Variants in ABCC1 observed in about 807,000 individuals in gnomAD.
The protein encoded by ABCC1 is multidrug resistance-associated protein 1.
Under a neutral mutation model 172.9 loss-of-function variants are expected in ABCC1, and 83 were observed. The ratio of observed to expected loss-of-function variants is 0.48; its 90% CI spans 0.40 to 0.58. The LOEUF (loss-of-function observed/expected upper bound fraction) is 0.58, where lower values mean the gene tolerates loss of function less well. Ranked by LOEUF, ABCC1 falls within the 20% of genes least tolerant of loss-of-function variation. The probability of loss-of-function intolerance (pLI) is 0.00; values close to 1 mark genes in which losing one functional copy is unlikely to be tolerated. For missense variants in ABCC1, 1,817 were observed against 2,002.7 expected (o/e 0.91, Z 1.77); for synonymous variants, 937 against 825.2 (o/e 1.14, Z -2.32).
In ABCC1 at chr16:15,971,229, A is replaced by T. The variant is rs140537623; in HGVS notation, c.48+21430A>T. Among the ~76,000 whole-genome samples the T allele has an allele frequency of 2.6e-3, 397 of 152,294 alleles. 5 individuals are homozygous for T. The highest frequency in any genetic ancestry group is 9.0e-3 in the African/African-American group (375 of 41,556). On this transcript the variant is annotated intron_variant, in intron 1 of 30. Coordinates refer to ENST00000399410, the MANE Select transcript of ABCC1 (RefSeq NM_004996.4). ...GTTTGACTAGGCATGTCTTTCACGT[A>T]GCGCATGAAAAAGCTGGCCCTCCCA...
chr16:16,134,902 A>T (rs894847706), intron 28 of ABCC1, among the ~76,000 whole-genome samples: 2 of 152,088 alleles, frequency 1.3e-5, no homozygotes, highest in Non-Finnish European at 2.9e-5. Flanking sequence ...TTGGCCTCCA[A>T]AAGTGCTGGG....
At chr16:15,990,093 C>T (rs2046823811) in intron 1 of ABCC1, among the ~76,000 whole-genome samples, 1 of 152,134 alleles carries the variant, frequency 6.6e-6, no homozygotes, top group Non-Finnish European at 1.5e-5. Context: ...CTGGCTCTGT[C>T]ACCCAGGCTG....
At chr16:16,124,335 G>GTGTGTGTATGTGTGTGTA (rs1555502587) in intron 24 of ABCC1, among the ~76,000 whole-genome samples, 1 of 87,930 alleles carries the variant, frequency 1.1e-5, no homozygotes, top group African/African-American at 4.5e-5. Flanking sequence ...GTGTGTGTGT[G>GTGTGTGTATGTGTGTGTA]TGTGTGTGTG....
In ABCC1 at chr16:16,120,197, TG is replaced by T. The variant is rs1361741262; in HGVS notation, c.3391-1776del. Among the ~76,000 whole-genome samples the T allele has an allele frequency of 2.0e-3, 306 of 152,288 alleles. 6 individuals are homozygous for T. The East Asian group carries it at 0.053, about 26-fold the overall frequency. Reference sequence around the variant, plus strand: ...CTGCCCCAAAGCAGCCCAGTACACCTGGCCCAGGGCAGGATGCAGGGAGGCC... The same window carrying T: ...CTGCCCCAAAGCAGCCCAGTACACCTGCCCAGGGCAGGATGCAGGGAGGCC... On this transcript the variant is annotated intron_variant, in intron 23 of 30. Transcript: ENST00000399410.
At chr16:15,958,814 C>G (rs961439309) in intron 1 of ABCC1, among the ~76,000 whole-genome samples, 1 of 152,056 alleles carries the variant, frequency 6.6e-6, no homozygotes, top group African/African-American at 2.4e-5. Flanking sequence ...CTGTATTTTG[C>G]GGGTGGGGAC....
chr16:16,083,295 G>A, intron 16 of ABCC1, 71 bp from the exon 17 acceptor site: 1 of 1,496,656 alleles, frequency 6.7e-7, no homozygotes, highest in Non-Finnish European at 9.2e-7. Flanking sequence ...CAGGCGGGTG[G>A]GCCAGCTGTT....
At chr16:16,074,882 A>AT (rs1186113201) in intron 14 of ABCC1, among the ~76,000 whole-genome samples, 1 of 151,506 alleles carries the variant, frequency 6.6e-6, no homozygotes, top group African/African-American at 2.4e-5. Flanking sequence ...ATACTCCTGT[A>AT]TTATCTCCAG....
intron 29 of ABCC1, among the ~76,000 whole-genome samples, chr16:16,137,545 CTTTTTTTTTTTTTTTTTT>C (rs151237296): frequency 8.8e-5 from 5 of 56,634 alleles, no homozygotes; most frequent in East Asian, 1.4e-3. Context: ...GGTATGAGGC[CTTTTTTTTTTTTTTTTTT>C]TTTTTTTTTT....
At chr16:16,017,397 A>T (rs1012552459) in intron 5 of ABCC1, among the ~76,000 whole-genome samples, 3 of 151,620 alleles carry the variant, frequency 2.0e-5, no homozygotes, top group Non-Finnish European at 4.4e-5. Context: ...TGCCTGGCTA[A>T]TTTTTTTTCT....
At chr16:16,104,267 T>C (rs2051952994) in intron 20 of ABCC1, among the ~76,000 whole-genome samples, 1 of 152,188 alleles carries the variant, frequency 6.6e-6, no homozygotes, top group Non-Finnish European at 1.5e-5. Context: ...TTTATTCTCT[T>C]ATCTGGCCCT....
intron 1 of ABCC1, among the ~76,000 whole-genome samples, chr16:15,959,648 C>G (rs183678291): frequency 9.2e-4 from 140 of 152,272 alleles, no homozygotes; most frequent in African/African-American, 3.0e-3. Flanking sequence ...CTTGAGAGAT[C>G]AGCTTTGAAG....
chr16:15,971,962 A>C (rs544932450), intron 1 of ABCC1, among the ~76,000 whole-genome samples: 1 of 152,290 alleles, frequency 6.6e-6, no homozygotes, highest in South Asian at 2.1e-4. Context: ...GGGGGGCTCC[A>C]AAGCTGAGAG....
At chr16:15,997,086 G>A (rs909215650) in intron 1 of ABCC1, among the ~76,000 whole-genome samples, 3 of 135,988 alleles carry the variant, frequency 2.2e-5, no homozygotes, top group Non-Finnish European at 4.6e-5. Flanking sequence ...GAGGACATGC[G>A]CTTTCTCTTT....
At chr16:16,120,135 A>G (rs2045086326) in intron 23 of ABCC1, among the ~76,000 whole-genome samples, 1 of 152,024 alleles carries the variant, frequency 6.6e-6, no homozygotes. Flanking sequence ...AGGCCTTGTA[A>G]AAGCCACCTG....
At chr16:16,070,628 G>C (rs1158275296) in intron 13 of ABCC1, among the ~76,000 whole-genome samples, 1 of 152,172 alleles carries the variant, frequency 6.6e-6, no homozygotes, top group South Asian at 2.1e-4. Flanking sequence ...TTGCGCCACT[G>C]CACTCCAGCC....
At chr16:16,126,046 T>C in intron 26 of ABCC1, 135 bp downstream of exon 26, 1 of 571,584 alleles carries the variant, frequency 1.7e-6, no homozygotes, top group African/African-American at 1.9e-5. Flanking sequence ...TTAACGCTTG[T>C]CCAGTCTTTT....
At chr16:16,010,617 A>G (rs1207367399) in intron 3 of ABCC1, among the ~76,000 whole-genome samples, 3 of 152,178 alleles carry the variant, frequency 2.0e-5, no homozygotes, top group Non-Finnish European at 2.9e-5. Context: ...AGTGACAGAG[A>G]CAAGGAAACA....
chr16:15,972,987 G>T (rs2042073674), intron 1 of ABCC1, among the ~76,000 whole-genome samples: 1 of 151,532 alleles, frequency 6.6e-6, no homozygotes, highest in African/African-American at 2.4e-5. Context: ...TAGAGATGGG[G>T]TCTCACCATG....
At chr16:15,982,803 C>CAAAAAAAAAAAAAAAA (rs148834444) in intron 1 of ABCC1, among the ~76,000 whole-genome samples, 1,528 of 43,070 alleles carry the variant, frequency 0.035, 347 homozygotes, top group Non-Finnish European at 0.05. Context: ...GAGACGCTGT[C>CAAAAAAAAAAAAAAAA]AAAAAAAAAA....
Sources: gnomAD v4.1 joint callset for allele counts (sites outside exome capture counted in the v4.1 genomes callset) on GRCh38, gnomAD v4.1.1 for gene constraint, MANE v1.5 for transcripts, NCBI Gene and HGNC (gene_info 2026-07-23, HGNC 2026-07-21) for gene names.